ELOVL6: variants seen among roughly 807,000 people sequenced by gnomAD.
ELOVL6 encodes ELOVL fatty acid elongase 6.
A neutral mutation model predicts 31.7 loss-of-function variants in ELOVL6; 8 were observed. That is an observed-to-expected ratio of 0.25 (90% CI 0.15 to 0.45). The LOEUF is 0.45. Among genes scored for constraint, ELOVL6 ranks in the 20% least tolerant of loss-of-function variants. The pLI, the probability that ELOVL6 is intolerant of heterozygous loss-of-function variation, is 1.00. For missense variants in ELOVL6, 126 were observed against 326.4 expected (o/e 0.39, Z 4.73); for synonymous variants, 101 against 117.7 (o/e 0.86, Z 0.92).
intron 1 of ELOVL6, among the ~76,000 whole-genome samples, chr4:110,153,840 G>C (rs1478189821): frequency 6.6e-6 from 1 of 152,154 alleles, no homozygotes; most frequent in South Asian, 2.1e-4. Flanking sequence ...GGAATAATGG[G>C]CTATTTCTTA....
intron 1 of ELOVL6, among the ~76,000 whole-genome samples, chr4:110,152,169 T>C (rs1352021951): frequency 1.3e-5 from 2 of 152,294 alleles, no homozygotes; most frequent in East Asian, 3.9e-4. Context: ...AAACTTAATA[T>C]TGGTTGGGTT....
rs1754739437 is a variant in ELOVL6, at chr4:110,047,909, AAAAAG to A, written c.*3424_*3428del. On this transcript the variant is annotated 3_prime_UTR_variant, in exon 4 of 4. Coordinates refer to ENST00000302274, the MANE Select transcript of ELOVL6 (RefSeq NM_024090.3). ...CCACCTCAAAAAAAAAAAAAAAAAAAAAAAGAAAGACATTCTGTGGGTCTCTTTCT... is the reference window on the plus strand; with the variant it reads ...CCACCTCAAAAAAAAAAAAAAAAAAAAAAGACATTCTGTGGGTCTCTTTCT... 1 of 151,624 alleles carries A rather than the reference AAAAAG, an allele frequency of 6.6e-6. No homozygotes were observed. Among genetic ancestry groups the A allele is most frequent in the South Asian group, 2.1e-4 (1 of 4,786 alleles). The allele number at this position is 151,624 out of a possible 1,614,324, so 9.4% of individuals were successfully genotyped here. A position where few individuals can be genotyped will look rare whatever the true frequency, so the allele number is the denominator to read the frequency against.
rs1755815942 is a variant in ELOVL6, at chr4:110,080,745, A to T, written c.222-20991T>A. Among the ~76,000 whole-genome samples the T allele has an allele frequency of 2.0e-5, 3 of 152,312 alleles. No homozygotes were observed. In the South Asian group the frequency reaches 6.2e-4, roughly 32 times the overall value. ...TAGTGTTGGAAGTTCTGGCCAGGGT[A>T]ATCAGGCAGGAGAAGGAAATAAAGG... On this transcript the variant is annotated intron_variant, in intron 2 of 3. Transcript: ENST00000302274.
chr4:110,145,629 G>C (rs1560843653), intron 1 of ELOVL6, among the ~76,000 whole-genome samples: 1 of 151,892 alleles, frequency 6.6e-6, no homozygotes, highest in Non-Finnish European at 1.5e-5. Context: ...GACCTTGCAG[G>C]GTTTGCCTGT....
chr4:110,086,111 T>A (rs1756255952), intron 2 of ELOVL6, among the ~76,000 whole-genome samples: 1 of 152,216 alleles, frequency 6.6e-6, no homozygotes, highest in Admixed American at 6.5e-5. Flanking sequence ...CCTCAGATGC[T>A]CATAAAATCA....
intron 1 of ELOVL6, among the ~76,000 whole-genome samples, chr4:110,112,451 A>C (rs1446429315): frequency 6.6e-6 from 1 of 152,242 alleles, no homozygotes; most frequent in Non-Finnish European, 1.5e-5. Flanking sequence ...CATCTTAGAG[A>C]GGTACAAGAA....
chr4:110,146,203 G>T (rs577869881), intron 1 of ELOVL6, among the ~76,000 whole-genome samples: 1 of 152,226 alleles, frequency 6.6e-6, no homozygotes, highest in Non-Finnish European at 1.5e-5. Flanking sequence ...ACAGCCAACT[G>T]ATTTTTGGCA....
At chr4:110,195,348 G>T (rs1759740745) in intron 1 of ELOVL6, among the ~76,000 whole-genome samples, 1 of 152,084 alleles carries the variant, frequency 6.6e-6, no homozygotes. Flanking sequence ...TCGAACTCCT[G>T]TCGTCAGGTA....
At chr4:110,135,081 T>G (rs1757777886) in intron 1 of ELOVL6, among the ~76,000 whole-genome samples, 1 of 152,196 alleles carries the variant, frequency 6.6e-6, no homozygotes, top group South Asian at 2.1e-4. Context: ...AAATAGAACC[T>G]AGGATATTCT....
chr4:110,138,205 A>T (rs1757861606), intron 1 of ELOVL6, among the ~76,000 whole-genome samples: 1 of 152,228 alleles, frequency 6.6e-6, no homozygotes, highest in South Asian at 2.1e-4. Flanking sequence ...TCTAATAAAC[A>T]CCACTGAAAT....
At chr4:110,053,513 A>G (rs767092894) in intron 3 of ELOVL6, among the ~76,000 whole-genome samples, 2 of 152,256 alleles carry the variant, frequency 1.3e-5, no homozygotes, top group Middle Eastern at 3.2e-3. Context: ...TACAATAGAA[A>G]AAGAAAGTTG....
At chr4:110,071,377 T>C (rs376217982) in intron 2 of ELOVL6, among the ~76,000 whole-genome samples, 2 of 152,368 alleles carry the variant, frequency 1.3e-5, no homozygotes, top group South Asian at 4.1e-4. Context: ...ACTCAGGTGA[T>C]AGGCCCTGTG....
chr4:110,094,404 A>T (rs1370707813), intron 2 of ELOVL6, among the ~76,000 whole-genome samples: 5 of 55,574 alleles, frequency 9.0e-5, no homozygotes, highest in East Asian at 5.9e-4. Flanking sequence ...CTTAAAAAGA[A>T]ATATATATAT....
At chr4:110,068,238 G>C (rs928547752) in intron 2 of ELOVL6, among the ~76,000 whole-genome samples, 1 of 151,278 alleles carries the variant, frequency 6.6e-6, no homozygotes, top group African/African-American at 2.4e-5. Context: ...ACAGCATTCT[G>C]TATCTAAAAT....
intron 1 of ELOVL6, among the ~76,000 whole-genome samples, chr4:110,162,931 C>T (rs1169239672): frequency 6.6e-6 from 1 of 152,158 alleles, no homozygotes; most frequent in Non-Finnish European, 1.5e-5. Flanking sequence ...TACTTGAGGT[C>T]ACCCAGATAG....
chr4:110,067,949 C>A (rs1366352794), intron 2 of ELOVL6, among the ~76,000 whole-genome samples: 1 of 151,994 alleles, frequency 6.6e-6, no homozygotes, highest in African/African-American at 2.4e-5. Context: ...AAAAATGATA[C>A]CTTAAAAGTC....
intron 1 of ELOVL6, among the ~76,000 whole-genome samples, chr4:110,149,231 G>A (rs908731962): frequency 7.2e-5 from 11 of 152,086 alleles, no homozygotes; most frequent in Admixed American, 3.3e-4. Flanking sequence ...AGATTTCTTC[G>A]AGAACTAAAA....
rs554296114 is a variant in ELOVL6 at position 110,053,167 on chromosome 4, G to A, written c.374-1405C>T. Among the ~76,000 whole-genome samples, 37 of 152,216 alleles carry A rather than the reference G, an allele frequency of 2.4e-4. 1 individual carries two copies. The South Asian group carries it at 3.3e-3, about 14-fold the overall frequency. On this transcript the variant is annotated intron_variant, in intron 3 of 3. Transcript: ENST00000302274. ...TGAGCTCAAGCTATCCACCAGCCTC[G>A]GCCTCCTAAAGTGCTGGGACTATAG...
chr4:110,149,115 G>T (rs1746879244), intron 1 of ELOVL6, among the ~76,000 whole-genome samples: 1 of 152,188 alleles, frequency 6.6e-6, no homozygotes, highest in African/African-American at 2.4e-5. Context: ...ACCCATCTTG[G>T]CTTCCGAAAG....
Sources: allele counts gnomAD v4.1 joint callset (sites outside exome capture counted in the v4.1 genomes callset), GRCh38; gene constraint gnomAD v4.1.1; transcripts MANE v1.5; gene names NCBI Gene and HGNC (gene_info 2026-07-23, HGNC 2026-07-21).